The following IRF8 variants were observed in gnomAD, a reference collection of about 807,000 sequenced individuals.
IRF8 encodes the protein interferon regulatory factor 8, also known as interferon consensus sequence binding protein 1.
In IRF8, 14 loss-of-function variants were observed where a neutral mutation model predicts 48.7. That is an observed-to-expected ratio of 0.29 (90% CI 0.19 to 0.45). The LOEUF (loss-of-function observed/expected upper bound fraction) is 0.45. Among genes scored for constraint, IRF8 ranks in the 20% least tolerant of loss-of-function variants. IRF8 has a pLI of 1.00. For missense variants in IRF8, 493 were observed against 580.7 expected (o/e 0.85, Z 1.55); for synonymous variants, 278 against 227.3 (o/e 1.22, Z -2.01).
chr16:85,920,070 G>A lies in IRF8; in HGVS notation c.989-39G>A, dbSNP rs777844058. On this transcript the variant is annotated intron_variant, in intron 7 of 8. Coordinates refer to ENST00000268638, the MANE Select transcript of IRF8 (RefSeq NM_002163.4). ...TGCTGCGGGAGTTGGAGGTCATCTC[G>A]GCCTTGCTTGCAAACACCCTCTGCC... The A allele has an allele frequency of 5.3e-5, 79 of 1,480,862 alleles. No homozygotes were observed. The East Asian group carries it at 1.2e-3, about 23-fold the overall frequency. 91.7% of individuals were successfully genotyped at this position (1,480,862 alleles called of 1,614,324 possible). A position where few individuals can be genotyped will look rare whatever the true frequency, so the allele number is the denominator to read the frequency against.
chr16:85,919,728 T>A (rs1228893419), intron 7 of IRF8, among the ~76,000 whole-genome samples: 1 of 152,224 alleles, frequency 6.6e-6, no homozygotes, highest in East Asian at 1.9e-4. Context: ...TTTGAGACCC[T>A]TTCAGTTGGC....
At chr16:85,914,594 G>A in intron 6 of IRF8, 74 bp downstream of exon 6, 1 of 1,561,556 alleles carries the variant, frequency 6.4e-7, no homozygotes, top group East Asian at 2.3e-5. Context: ...AAGCAGGGTT[G>A]CGGGGTTTCG....
At chr16:85,899,864 C>G (rs975386902) in intron 1 of IRF8, among the ~76,000 whole-genome samples, 34 of 152,176 alleles carry the variant, frequency 2.2e-4, no homozygotes, top group Non-Finnish European at 1.2e-4. Flanking sequence ...ATACATAGGA[C>G]AGACTTTCCT....
intron 5 of IRF8, 40 bp from the exon 6 acceptor site, chr16:85,914,433 C>G (rs1365347378): frequency 6.2e-7 from 1 of 1,613,834 alleles, no homozygotes. Flanking sequence ...GTACACCACA[C>G]CTGGGTGGCT....
At chr16:85,903,293 A>G (rs1567875806) in intron 2 of IRF8, 104 bp downstream of exon 2, 1 of 1,174,340 alleles carries the variant, frequency 8.5e-7, no homozygotes, top group South Asian at 1.3e-5. Context: ...TTAAAAATTA[A>G]TCCAGTTTTT....
At chr16:85,905,463 G>A (rs908298824) in intron 2 of IRF8, among the ~76,000 whole-genome samples, 11 of 152,318 alleles carry the variant, frequency 7.2e-5, no homozygotes, top group Admixed American at 6.5e-5. Flanking sequence ...CAATGTTTCC[G>A]TTGGTTACGC....
chr16:85,916,305 G>A (rs1464417948), intron 6 of IRF8, among the ~76,000 whole-genome samples: 1 of 152,230 alleles, frequency 6.6e-6, no homozygotes, highest in Non-Finnish European at 1.5e-5. Context: ...GGCTGGGACC[G>A]CACGTCAGGC....
intron 7 of IRF8, 41 bp downstream of exon 7, chr16:85,918,844 A>G: frequency 6.2e-7 from 1 of 1,600,142 alleles, no homozygotes; most frequent in Non-Finnish European, 8.5e-7. Flanking sequence ...CATCTTAGAG[A>G]TCACGCCTCC....
intron 6 of IRF8, among the ~76,000 whole-genome samples, chr16:85,917,142 G>A (rs917550952): frequency 2.6e-5 from 4 of 152,188 alleles, no homozygotes; most frequent in Non-Finnish European, 4.4e-5. Flanking sequence ...GATGGACTCA[G>A]GGCCTCCCCA....
In IRF8 at chr16:85,913,282, G is replaced by T. The variant is rs1239273508; in HGVS notation, c.553+46G>T. 6 of 1,358,506 alleles carry T rather than the reference G, an allele frequency of 4.4e-6. No individual in the cohort carries two copies. In the African/African-American group the frequency reaches 5.7e-5, roughly 13 times the overall value. 84.2% of individuals were successfully genotyped at this position (1,358,506 alleles called of 1,614,324 possible). On this transcript the variant is annotated intron_variant, in intron 5 of 8. Coordinates refer to ENST00000268638, the MANE Select transcript of IRF8 (RefSeq NM_002163.4). The stretch of plus-strand genomic sequence containing the variant: ...ATTGTCACCAGGCATGGCCTGAAGG[G>T]TTTACGGCATTCCACCAGCCAGGGA...
At chr16:85,917,423 C>T (rs1338916154) in intron 6 of IRF8, among the ~76,000 whole-genome samples, 8 of 152,210 alleles carry the variant, frequency 5.3e-5, no homozygotes, top group Non-Finnish European at 7.3e-5. Context: ...AATTGGTTTT[C>T]ACAGCCTGGA....
rs1905202825 is a variant in IRF8, at chr16:85,913,331, T to C, written c.553+95T>C. On this transcript the variant is annotated intron_variant, in intron 5 of 8. Coordinates refer to ENST00000268638, the MANE Select transcript of IRF8 (RefSeq NM_002163.4). ...GACGGAGTGGGGGTGGTTGTTGCTA[T>C]CATGATCCATGTCTCATTAAAGGTA... 8.0e-6 allele frequency: 7 copies of C among 872,862 alleles called. No individual in the cohort carries two copies. The South Asian group carries it at 9.3e-5, about 12-fold the overall frequency. 54.1% of individuals were successfully genotyped at this position (872,862 alleles called of 1,614,324 possible).
At chr16:85,919,702 C>T (rs947484402) in intron 7 of IRF8, among the ~76,000 whole-genome samples, 22 of 152,204 alleles carry the variant, frequency 1.4e-4, no homozygotes, top group Admixed American at 1.3e-4. Context: ...CGACTGCTGC[C>T]GGTCCACCGG....
intron 1 of IRF8, among the ~76,000 whole-genome samples, chr16:85,900,007 G>C: frequency 6.6e-6 from 1 of 152,208 alleles, no homozygotes; most frequent in East Asian, 1.9e-4. Flanking sequence ...CCAAAGGTAA[G>C]AACTGGTAGT....
intron 1 of IRF8, among the ~76,000 whole-genome samples, chr16:85,902,272 A>G (rs305083): frequency 0.24 from 36,112 of 152,050 alleles, 4,995 homozygotes; most frequent in African/African-American, 0.39. Flanking sequence ...GACATCTGGC[A>G]TGTAAGGTCC....
intron 8 of IRF8, 145 bp downstream of exon 8, chr16:85,920,369 C>T (rs2143056836): frequency 3.1e-6 from 2 of 645,072 alleles, no homozygotes; most frequent in South Asian, 1.8e-5. Context: ...GCCTCAGCCT[C>T]CCGAGTTGCT....
chr16:85,912,117 T>G (rs986955270), intron 4 of IRF8, among the ~76,000 whole-genome samples: 7 of 152,248 alleles, frequency 4.6e-5, no homozygotes, highest in Non-Finnish European at 7.3e-5. Flanking sequence ...CTTTTTAATG[T>G]GCAGTTTTTA....
chr16:85,900,297 C>G (rs763417840), intron 1 of IRF8, among the ~76,000 whole-genome samples: 1 of 152,318 alleles, frequency 6.6e-6, no homozygotes, highest in East Asian at 1.9e-4. Context: ...CCTGGAAAGC[C>G]TGACTGCTGT....
chr16:85,904,812 C>CTGTTTTTTTTTTTTTTTTTTTTTTTTTT (rs1904941252), intron 2 of IRF8, among the ~76,000 whole-genome samples: 1 of 87,598 alleles, frequency 1.1e-5, no homozygotes, highest in Non-Finnish European at 2.1e-5. Context: ...GATTGCAGAT[C>CTGTTTTTTTTTTTTTTTTTTTTTTTTTT]TTTTTTTTTT....
Sources: gnomAD v4.1 joint callset for allele counts (sites outside exome capture counted in the v4.1 genomes callset) on GRCh38, gnomAD v4.1.1 for gene constraint, MANE v1.5 for transcripts, NCBI Gene and HGNC (gene_info 2026-07-23, HGNC 2026-07-21) for gene names.